The following FSTL5 variants were observed in gnomAD, a reference collection of about 807,000 sequenced individuals.
FSTL5 encodes the protein follistatin-related protein 5.
FSTL5 carries 62 observed loss-of-function variants against 89.1 expected under a neutral mutation model. That is an observed-to-expected ratio of 0.70 (90% confidence interval 0.57 to 0.86). The LOEUF is 0.86. Among genes scored for constraint, FSTL5 ranks in the 40% least tolerant of loss-of-function variants. The pLI is 0.00. For synonymous variants in FSTL5, 383 were observed against 346.2 expected (o/e 1.11, Z -1.18); for missense variants, 1,057 against 1,001.6 (o/e 1.06, Z -0.75).
chr4:161,489,558 A>T (rs1729795315), intron 12 of FSTL5, among the ~76,000 whole-genome samples: 1 of 152,174 alleles, frequency 6.6e-6, no homozygotes, highest in Non-Finnish European at 1.5e-5. Context: ...TTGGAATCAA[A>T]GAATTAGATG....
intron 6 of FSTL5, among the ~76,000 whole-genome samples, chr4:161,758,845 C>T (rs538815684): frequency 1.1e-3 from 161 of 152,216 alleles, no homozygotes; most frequent in African/African-American, 3.4e-3. Context: ...AAAGAATAAC[C>T]TGATAAGTAA....
chr4:161,836,823 A>T (rs117590193), intron 4 of FSTL5, among the ~76,000 whole-genome samples: 5,248 of 152,232 alleles, frequency 0.034, 178 homozygotes, highest in East Asian at 0.15. Context: ...GATATTTAAG[A>T]GGGCAGAAAA....
chr4:161,605,830 G>A (rs2126630002), intron 7 of FSTL5, among the ~76,000 whole-genome samples: 1 of 152,330 alleles, frequency 6.6e-6, no homozygotes, highest in Admixed American at 6.5e-5. Flanking sequence ...TCTAAACCAT[G>A]TCAGTTGTTC....
chr4:161,870,948 G>C (rs1348487152), intron 4 of FSTL5, among the ~76,000 whole-genome samples: 1 of 152,004 alleles, frequency 6.6e-6, no homozygotes. Context: ...AATATATGTA[G>C]ATACATCTAA....
At chr4:161,559,179 T>C (rs982063679) in intron 8 of FSTL5, among the ~76,000 whole-genome samples, 7 of 151,934 alleles carry the variant, frequency 4.6e-5, no homozygotes, top group African/African-American at 1.7e-4. Flanking sequence ...TCAAGATTTA[T>C]ATATGGTGAA....
intron 3 of FSTL5, among the ~76,000 whole-genome samples, chr4:162,004,578 G>T (rs1048655505): frequency 7.2e-5 from 11 of 152,072 alleles, no homozygotes; most frequent in African/African-American, 2.7e-4. Context: ...TTATCATTTA[G>T]AACTACTCAA....
At chr4:162,095,689 T>G (rs1053454957) in intron 2 of FSTL5, among the ~76,000 whole-genome samples, 2 of 152,084 alleles carry the variant, frequency 1.3e-5, no homozygotes, top group East Asian at 3.9e-4. Flanking sequence ...ACTTAAACAA[T>G]GGCTGAAATT....
chr4:161,759,572 T>G, intron 5 of FSTL5, 41 bp from the exon 6 acceptor site: 1 of 1,224,994 alleles, frequency 8.2e-7, no homozygotes. Context: ...GATTTGTGTC[T>G]TAAAATTTCT....
At chr4:161,475,960 A>C (rs1734120376) in intron 13 of FSTL5, among the ~76,000 whole-genome samples, 2 of 151,840 alleles carry the variant, frequency 1.3e-5, no homozygotes, top group Admixed American at 1.3e-4. Context: ...CCACCGTGTT[A>C]GCGAGGATGG....
chr4:162,034,657 GAA>G (rs1258485382), intron 2 of FSTL5, among the ~76,000 whole-genome samples: 3 of 152,060 alleles, frequency 2.0e-5, no homozygotes. Context: ...GTCTCACACT[GAA>G]AATAACTTCG....
At chr4:161,582,704 G>T (rs1733477450) in intron 8 of FSTL5, among the ~76,000 whole-genome samples, 1 of 152,104 alleles carries the variant, frequency 6.6e-6, no homozygotes, top group African/African-American at 2.4e-5. Context: ...TGATACATCA[G>T]AAACTTTGCA....
chr4:161,719,025 A>G (rs1739101069), intron 6 of FSTL5, among the ~76,000 whole-genome samples: 1 of 152,212 alleles, frequency 6.6e-6, no homozygotes, highest in African/African-American at 2.4e-5. Flanking sequence ...AACAGTTGGG[A>G]TATATTGATC....
chr4:161,481,128 C>A lies in FSTL5; in HGVS notation c.1500G>T (p.Arg500Ser), dbSNP rs1729490257. The change falls in exon 13 of 16, where the codon AGG (arginine) becomes AGT (serine). Residue 500 changes from arginine (R) to serine (S), a missense_variant. Physicochemically the swap from Arg to Ser is moderately radical, Grantham distance 110. Transcript: ENST00000306100. Reference sequence around the variant, plus strand: ...CATTAACAGCTGATGCCCACACACACCTCTGAACTTCATCTCCCTCAGCTT... The same window carrying A: ...CATTAACAGCTGATGCCCACACACAACTCTGAACTTCATCTCCCTCAGCTT... ...CPKAEGDEVQ[R>S]CVWASAVNVK... The A allele has an allele frequency of 1.9e-6, 3 of 1,612,100 alleles. No homozygotes were observed. Among genetic ancestry groups the A allele is most frequent in the Non-Finnish European group, 2.5e-6 (3 of 1,178,824 alleles).
intron 3 of FSTL5, among the ~76,000 whole-genome samples, chr4:161,988,444 A>G (rs1736025144): frequency 1.3e-5 from 2 of 152,176 alleles, no homozygotes; most frequent in Admixed American, 6.6e-5. Flanking sequence ...AGAGATGCTA[A>G]AAGTTTAAAG....
intron 1 of FSTL5, among the ~76,000 whole-genome samples, chr4:162,149,179 T>C (rs1010465540): frequency 1.3e-5 from 2 of 152,086 alleles, no homozygotes; most frequent in African/African-American, 4.8e-5. Context: ...TGTTGAGTAA[T>C]TGAAATGAAA....
chr4:161,846,976 G>A (rs542399927), intron 4 of FSTL5, among the ~76,000 whole-genome samples: 1 of 152,112 alleles, frequency 6.6e-6, no homozygotes, highest in Non-Finnish European at 1.5e-5. Context: ...CACATGTGAT[G>A]TTCTAATAAT....
chr4:161,557,540 T>A (rs2126565966), intron 8 of FSTL5, among the ~76,000 whole-genome samples: 1 of 151,836 alleles, frequency 6.6e-6, no homozygotes, highest in South Asian at 2.1e-4. Context: ...TATAGCATTA[T>A]CTACCCATTT....
intron 3 of FSTL5, among the ~76,000 whole-genome samples, chr4:162,019,552 TG>T (rs1304994788): frequency 6.6e-6 from 1 of 151,966 alleles, no homozygotes; most frequent in Admixed American, 6.6e-5. Context: ...TAATTTATGG[TG>T]GATTGTATTA....
At position 161,842,650 on chromosome 4, in the gene FSTL5, T is replaced by A. The variant is rs568615590; in HGVS notation, c.410-66576A>T. ...ATTTATCTTCTCTATCAAAATGTCATCCTGTCAAAAAGAAACAATATGCAA... is the reference window on the plus strand; with the variant it reads ...ATTTATCTTCTCTATCAAAATGTCAACCTGTCAAAAAGAAACAATATGCAA... On this transcript the variant is annotated intron_variant, in intron 4 of 15. Transcript: ENST00000306100. Among the ~76,000 whole-genome samples the A allele has an allele frequency of 2.6e-5, 4 of 152,200 alleles. No individual in the cohort carries two copies. In the South Asian group the frequency reaches 8.3e-4, roughly 32 times the overall value.
Sources: allele counts gnomAD v4.1 joint callset (sites outside exome capture counted in the v4.1 genomes callset), GRCh38; gene constraint gnomAD v4.1.1; transcripts MANE v1.5; gene names NCBI Gene and HGNC (gene_info 2026-07-23, HGNC 2026-07-21).